Variants in GALNTL6 observed in about 807,000 individuals in gnomAD.
GALNTL6 encodes the protein polypeptide N-acetylgalactosaminyltransferase-like 6.
GALNTL6 carries 46 observed loss-of-function variants against 73.7 expected under a neutral mutation model. That is an observed-to-expected ratio of 0.62 (90% CI 0.49 to 0.80). The LOEUF (loss-of-function observed/expected upper bound fraction) is 0.80, where lower values mean the gene tolerates loss of function less well. Among genes scored for constraint, GALNTL6 ranks in the 30% least tolerant of loss-of-function variants. GALNTL6 has a pLI of 0.00. For synonymous variants in GALNTL6, 259 were observed against 263.7 expected (o/e 0.98, Z 0.17); for missense variants, 604 against 755.0 (o/e 0.80, Z 2.34).
intron 2 of GALNTL6, among the ~76,000 whole-genome samples, chr4:171,957,799 G>A (rs561962930): frequency 6.6e-6 from 1 of 152,088 alleles, no homozygotes; most frequent in Non-Finnish European, 1.5e-5. Context: ...ATGTCTTTGG[G>A]AAGAAAGTAA....
chr4:171,893,519 T>G (rs1460460846), intron 2 of GALNTL6, among the ~76,000 whole-genome samples: 1 of 152,170 alleles, frequency 6.6e-6, no homozygotes, highest in Non-Finnish European at 1.5e-5. Flanking sequence ...AGGTTAATTT[T>G]TTGTCACGTA....
chr4:172,999,815 T>C (rs551329445), intron 10 of GALNTL6, among the ~76,000 whole-genome samples: 4 of 152,010 alleles, frequency 2.6e-5, no homozygotes, highest in Admixed American at 1.3e-4. Context: ...ATACATTCTA[T>C]CATTAGTTCA....
In GALNTL6 at chr4:172,374,572, G is replaced by C. The variant is rs981285764; in HGVS notation, c.553+25883G>C. Among the ~76,000 whole-genome samples the C allele has an allele frequency of 2.6e-5, 4 of 152,236 alleles. No homozygotes were observed. The East Asian group carries it at 7.7e-4, about 29-fold the overall frequency. Reference sequence around the variant, plus strand: ...TGGTAGACATCATTGAGTAATTCATGGGCTTTTTCCTAATTCTCCTTAGTC... The same window carrying C: ...TGGTAGACATCATTGAGTAATTCATCGGCTTTTTCCTAATTCTCCTTAGTC... On this transcript the variant is annotated intron_variant, in intron 5 of 12. Transcript: ENST00000506823.
At chr4:172,232,752 T>G (rs1346894590) in intron 3 of GALNTL6, among the ~76,000 whole-genome samples, 1 of 152,192 alleles carries the variant, frequency 6.6e-6, no homozygotes, top group Admixed American at 6.5e-5. Flanking sequence ...GATTTGCATT[T>G]TATTAATGCA....
At chr4:172,514,841 G>A (rs779621115) in intron 5 of GALNTL6, among the ~76,000 whole-genome samples, 13 of 152,184 alleles carry the variant, frequency 8.5e-5, no homozygotes, top group Non-Finnish European at 1.5e-4. Flanking sequence ...TCAGCTCTAG[G>A]TAAGGTTAAA....
chr4:172,929,422 G>T (rs1748216872), intron 8 of GALNTL6, among the ~76,000 whole-genome samples: 1 of 152,046 alleles, frequency 6.6e-6, no homozygotes, highest in Admixed American at 6.6e-5. Context: ...TTACTCAGGG[G>T]TCTCCAGAGA....
At chr4:171,919,958 G>A (rs1441889967) in intron 2 of GALNTL6, among the ~76,000 whole-genome samples, 5 of 152,136 alleles carry the variant, frequency 3.3e-5, no homozygotes, top group East Asian at 3.9e-4. Flanking sequence ...ACATGCACAC[G>A]TACGTTTATT....
chr4:171,883,671 A>G (rs1050124061), intron 2 of GALNTL6, among the ~76,000 whole-genome samples: 4 of 149,804 alleles, frequency 2.7e-5, no homozygotes, highest in Non-Finnish European at 4.4e-5. Context: ...TTTTTGAGAT[A>G]GAGTCTCGCT....
chr4:172,236,130 G>T (rs1737232277), intron 3 of GALNTL6, among the ~76,000 whole-genome samples: 1 of 152,180 alleles, frequency 6.6e-6, no homozygotes, highest in Admixed American at 6.6e-5. Context: ...ACATTGCACT[G>T]CTGTGTGATC....
At chr4:172,834,152 T>C (rs1183426314) in intron 7 of GALNTL6, among the ~76,000 whole-genome samples, 2 of 151,948 alleles carry the variant, frequency 1.3e-5, no homozygotes, top group African/African-American at 4.8e-5. Flanking sequence ...CTCCCAAGAA[T>C]CCCTTAACAA....
chr4:171,823,798 GAAAC>G (rs1734746307), intron 2 of GALNTL6, among the ~76,000 whole-genome samples: 1 of 151,174 alleles, frequency 6.6e-6, no homozygotes, highest in Non-Finnish European at 1.5e-5. Flanking sequence ...CAGAGTGAAG[GAAAC>G]AAACAAATAA....
chr4:172,456,988 A>C (rs1207152101), intron 5 of GALNTL6, among the ~76,000 whole-genome samples: 1 of 152,202 alleles, frequency 6.6e-6, no homozygotes, highest in Non-Finnish European at 1.5e-5. Flanking sequence ...AGCCCATTAG[A>C]CTAACAGAGG....
intron 4 of GALNTL6, among the ~76,000 whole-genome samples, chr4:172,317,702 T>A (rs1168492972): frequency 6.6e-6 from 1 of 152,196 alleles, no homozygotes; most frequent in Non-Finnish European, 1.5e-5. Flanking sequence ...GTCTTTGTAA[T>A]CCTAGAACTC....
chr4:172,747,705 T>C (rs1737186298), intron 5 of GALNTL6, among the ~76,000 whole-genome samples: 1 of 152,036 alleles, frequency 6.6e-6, no homozygotes, highest in Admixed American at 6.6e-5. Flanking sequence ...GGGAAAGAGA[T>C]GTATGCACCC....
chr4:171,908,472 G>A (rs956135295), intron 2 of GALNTL6, among the ~76,000 whole-genome samples: 2 of 152,108 alleles, frequency 1.3e-5, no homozygotes, highest in Admixed American at 6.6e-5. Context: ...AGTTAGAATG[G>A]CAATCATTAA....
chr4:172,450,726 A>G (rs991365088), intron 5 of GALNTL6, among the ~76,000 whole-genome samples: 2 of 152,236 alleles, frequency 1.3e-5, no homozygotes, highest in Non-Finnish European at 2.9e-5. Context: ...TTGAACAAAC[A>G]GAGCTAATAC....
At chr4:171,853,810 C>T (rs956411582) in intron 2 of GALNTL6, among the ~76,000 whole-genome samples, 4 of 151,840 alleles carry the variant, frequency 2.6e-5, no homozygotes, top group Non-Finnish European at 4.4e-5. Context: ...AAGGGTTTCA[C>T]CATGTTGGCC....
At chr4:172,150,301 T>C (rs888281615) in intron 2 of GALNTL6, among the ~76,000 whole-genome samples, 6 of 152,240 alleles carry the variant, frequency 3.9e-5, no homozygotes, top group African/African-American at 7.2e-5. Flanking sequence ...GGTTAACATG[T>C]AGTTTCTAAG....
intron 2 of GALNTL6, among the ~76,000 whole-genome samples, chr4:171,942,588 G>A (rs542935424): frequency 1.3e-5 from 2 of 152,250 alleles, no homozygotes; most frequent in African/African-American, 4.8e-5. Context: ...CTACTGAATG[G>A]TTATAAGTTA....
Sources: allele counts gnomAD v4.1 joint callset (sites outside exome capture counted in the v4.1 genomes callset), GRCh38; gene constraint gnomAD v4.1.1; transcripts MANE v1.5; gene names NCBI Gene and HGNC (gene_info 2026-07-23, HGNC 2026-07-21).